PARD3B: variants seen among roughly 807,000 people sequenced by gnomAD.
PARD3B encodes partitioning defective 3 homolog B.
PARD3B carries 103 observed loss-of-function variants against 130.2 expected under a neutral mutation model. That is an observed-to-expected ratio of 0.79 (90% CI 0.67 to 0.93). The LOEUF is 0.93. PARD3B is among the 40% of genes least tolerant of loss of function. The pLI, the probability that PARD3B is intolerant of heterozygous loss-of-function variation, is 0.00. For missense variants in PARD3B, 1,609 were observed against 1,499.2 expected (o/e 1.07, Z -1.21); for synonymous variants, 583 against 553.2 (o/e 1.05, Z -0.76).
intron 15 of PARD3B, among the ~76,000 whole-genome samples, chr2:205,234,386 C>A (rs920002821): frequency 2.0e-5 from 3 of 152,210 alleles, no homozygotes; most frequent in South Asian, 2.1e-4. Context: ...AATGAAGAGA[C>A]TACTAGAATG....
At chr2:204,612,157 T>TGA (rs2033952207) in intron 1 of PARD3B, among the ~76,000 whole-genome samples, 1 of 152,224 alleles carries the variant, frequency 6.6e-6, no homozygotes, top group South Asian at 2.1e-4. Flanking sequence ...GTGTGAGATG[T>TGA]GAGATACTAA....
At chr2:205,403,915 T>C (rs2046334003) in intron 19 of PARD3B, among the ~76,000 whole-genome samples, 1 of 148,438 alleles carries the variant, frequency 6.7e-6, no homozygotes, top group Non-Finnish European at 1.5e-5. Flanking sequence ...GGTACAATCT[T>C]TTGTAAACAA....
intron 18 of PARD3B, among the ~76,000 whole-genome samples, chr2:205,392,042 T>C (rs998775712): frequency 2.0e-5 from 3 of 152,214 alleles, no homozygotes; most frequent in African/African-American, 7.2e-5. Context: ...TTATTGGTGA[T>C]CTGTGCTTTA....
chr2:204,688,216 G>A (rs1258139452), intron 2 of PARD3B, among the ~76,000 whole-genome samples: 2 of 152,118 alleles, frequency 1.3e-5, no homozygotes, highest in South Asian at 4.1e-4. Context: ...AATTGGTATT[G>A]TTCTGCAGAG....
chr2:204,650,979 G>A (rs1051075018), intron 1 of PARD3B, among the ~76,000 whole-genome samples: 13 of 152,134 alleles, frequency 8.5e-5, no homozygotes, highest in African/African-American at 2.4e-4. Context: ...AGAACAGCAA[G>A]TGGGAAGTCC....
chr2:205,098,679 G>C (rs1426972259), intron 4 of PARD3B, among the ~76,000 whole-genome samples: 1 of 152,084 alleles, frequency 6.6e-6, no homozygotes, highest in Non-Finnish European at 1.5e-5. Flanking sequence ...TGAAATGATA[G>C]CCTGGTACTG....
Position 204,648,029 on chromosome 2 carries a change from C to T in PARD3B, c.121-38152C>T, listed in dbSNP as rs74854501. ...TGTGTATATTTGGAGAAGGTGACTACGCAATAGTAAGACTGATCTTATTAA... is the reference window on the plus strand; with the variant it reads ...TGTGTATATTTGGAGAAGGTGACTATGCAATAGTAAGACTGATCTTATTAA... On this transcript the variant is annotated intron_variant, in intron 1 of 22. Transcript: ENST00000406610. Among the ~76,000 whole-genome samples, 422 of 151,520 alleles carry T rather than the reference C, an allele frequency of 2.8e-3. 6 individuals are homozygous for T. The highest frequency in any genetic ancestry group is 9.4e-3 in the African/African-American group (391 of 41,434).
At chr2:204,547,721 C>T (rs2125038558) in intron 1 of PARD3B, among the ~76,000 whole-genome samples, 1 of 152,128 alleles carries the variant, frequency 6.6e-6, no homozygotes, top group South Asian at 2.1e-4. Flanking sequence ...TAATTTATGC[C>T]CTCAAATCTT....
At chr2:204,972,629 A>G (rs550260448) in intron 3 of PARD3B, among the ~76,000 whole-genome samples, 2 of 152,214 alleles carry the variant, frequency 1.3e-5, no homozygotes, top group Non-Finnish European at 2.9e-5. Flanking sequence ...GTAACCATTT[A>G]ACCAAAAATA....
chr2:205,079,384 GGCACCA>G (rs1701268265), intron 4 of PARD3B, among the ~76,000 whole-genome samples: 1 of 152,118 alleles, frequency 6.6e-6, no homozygotes, highest in Admixed American at 6.5e-5. Flanking sequence ...TCTAAGATAA[GGCACCA>G]GCAGATTTGG....
At chr2:204,912,824 T>G (rs2047292206) in intron 2 of PARD3B, among the ~76,000 whole-genome samples, 1 of 152,190 alleles carries the variant, frequency 6.6e-6, no homozygotes, top group South Asian at 2.1e-4. Flanking sequence ...AGATCCTGTT[T>G]TATTTCAGCT....
At position 205,116,626 on chromosome 2, in the gene PARD3B, A is replaced by G. The variant is rs2029869508; in HGVS notation, c.681-2295A>G. 6.6e-6 allele frequency among the ~76,000 whole-genome samples: 1 copy of G among 152,176 alleles called. No individual in the cohort carries two copies. On this transcript the variant is annotated intron_variant, in intron 6 of 22. Transcript: ENST00000406610. The surrounding 1 kb of genome is among the most constrained non-coding windows in gnomAD (Gnocchi z 4.5). The stretch of plus-strand genomic sequence containing the variant: ...TGGTCCCAAATGAGACAGCTACCAC[A>G]GCCCACCAGTTCAGGGCAAAGAGGA...
chr2:205,569,387 T>C (rs756564526), intron 22 of PARD3B, among the ~76,000 whole-genome samples: 3 of 152,234 alleles, frequency 2.0e-5, no homozygotes, highest in South Asian at 4.1e-4. Flanking sequence ...TGCCTTATAA[T>C]TTTTTGCTTT....
chr2:204,929,808 A>G (rs13002022), intron 2 of PARD3B, among the ~76,000 whole-genome samples: 31,025 of 151,898 alleles, frequency 0.2, 3,903 homozygotes, highest in Non-Finnish European at 0.29. Context: ...TTTAAAAAAG[A>G]TGCTACTATT....
intron 15 of PARD3B, among the ~76,000 whole-genome samples, chr2:205,197,428 C>T (rs1218762183): frequency 6.6e-6 from 1 of 152,056 alleles, no homozygotes; most frequent in African/African-American, 2.4e-5. Flanking sequence ...ATATTAAACA[C>T]TTCTTGAGAT....
chr2:205,408,085 A>G lies in PARD3B; in HGVS notation c.2741+6962A>G, dbSNP rs150662245. Among the ~76,000 whole-genome samples the G allele has an allele frequency of 6.3e-3, 956 of 152,314 alleles. 7 individuals carry two copies. The highest frequency in any genetic ancestry group is 0.021 in the African/African-American group (882 of 41,582). On this transcript the variant is annotated intron_variant, in intron 19 of 22. Transcript: ENST00000406610. The stretch of plus-strand genomic sequence containing the variant: ...CTAAGTGAGAGTGAAGCTAAGATTT[A>G]GGAAAGTTAATCGGTTTCAGTGTCT...
intron 20 of PARD3B, chr2:205,482,618 G>A (rs2049284696): frequency 6.6e-6 from 1 of 152,606 alleles, no homozygotes. Flanking sequence ...GGCGGGGGTG[G>A]GGGGCATTGT....
rs1044260571 is a variant in PARD3B, at chr2:204,680,681, A to G, written c.121-5500A>G. Among the ~76,000 whole-genome samples, 9 of 152,100 alleles carry G rather than the reference A, an allele frequency of 5.9e-5. No homozygotes were observed. The South Asian group carries it at 1.0e-3, about 18-fold the overall frequency. ...ACACATTTGGCACTGATTTACCTGC[A>G]TTCCACACATTTTTGCTATTTTAAT... is the stretch of plus-strand genomic sequence containing the variant. On this transcript the variant is annotated intron_variant, in intron 1 of 22. Transcript: ENST00000406610.
At chr2:205,298,686 G>A (rs62171479) in intron 16 of PARD3B, among the ~76,000 whole-genome samples, 4,653 of 152,148 alleles carry the variant, frequency 0.031, 82 homozygotes, top group Middle Eastern at 0.058. Context: ...AAACTATAAC[G>A]CAACATCCAA....
Sources: allele counts gnomAD v4.1 joint callset (sites outside exome capture counted in the v4.1 genomes callset), GRCh38; gene constraint gnomAD v4.1.1; non-coding constraint Gnocchi (gnomAD v3.1); transcripts MANE v1.5; gene names NCBI Gene and HGNC (gene_info 2026-07-23, HGNC 2026-07-21).